The following SNX3 variants were observed in gnomAD, a reference collection of about 807,000 sequenced individuals.
The protein encoded by SNX3 is sorting nexin-3.
In SNX3, 5 loss-of-function variants were observed where a neutral mutation model predicts 17.7. The observed-to-expected ratio is 0.28, with a 90% CI of 0.15 to 0.59. SNX3 has a LOEUF of 0.59. Among genes scored for constraint, SNX3 ranks in the 20% least tolerant of loss-of-function variants. The pLI is 0.88. For synonymous variants in SNX3, 91 were observed against 76.5 expected (o/e 1.19, Z -0.99); for missense variants, 132 against 206.8 (o/e 0.64, Z 2.22).
chr6:108,224,054 T>C (rs9400216), intron 1 of SNX3, among the ~76,000 whole-genome samples: 51,054 of 152,022 alleles, frequency 0.34, 10,654 homozygotes, highest in East Asian at 0.62. Context: ...TTTTTAAAAT[T>C]TTATTTTCTT....
intron 1 of SNX3, among the ~76,000 whole-genome samples, chr6:108,249,903 T>C (rs1160538105): frequency 6.6e-6 from 1 of 152,194 alleles, no homozygotes; most frequent in Non-Finnish European, 1.5e-5. Context: ...GCTTTTTCCA[T>C]AGCCTCATGA....
intron 2 of SNX3, among the ~76,000 whole-genome samples, chr6:108,217,946 T>A (rs945148154): frequency 5.9e-5 from 9 of 152,146 alleles, no homozygotes; most frequent in Non-Finnish European, 1.2e-4. Context: ...AGATCTTAGT[T>A]AAAAGTACTA....
At chr6:108,213,770 C>A (rs1473505191) in intron 3 of SNX3, among the ~76,000 whole-genome samples, 1 of 152,172 alleles carries the variant, frequency 6.6e-6, no homozygotes, top group African/African-American at 2.4e-5. Flanking sequence ...CCCTTTCTCT[C>A]CTGTTTACCA....
At chr6:108,250,361 G>C (rs748841119) in intron 1 of SNX3, among the ~76,000 whole-genome samples, 1 of 152,162 alleles carries the variant, frequency 6.6e-6, no homozygotes, top group Non-Finnish European at 1.5e-5. Context: ...TGCCCTTATA[G>C]AGTAAAAGTG....
chr6:108,224,194 C>G (rs1774906947), intron 1 of SNX3, among the ~76,000 whole-genome samples: 1 of 152,164 alleles, frequency 6.6e-6, no homozygotes, highest in Non-Finnish European at 1.5e-5. Context: ...GATTTAAACT[C>G]CTAGGCTCCA....
At chr6:108,251,661 A>G (rs1023277469) in intron 1 of SNX3, among the ~76,000 whole-genome samples, 6 of 152,364 alleles carry the variant, frequency 3.9e-5, no homozygotes, top group Admixed American at 1.3e-4. Context: ...TATCCTCTTT[A>G]TCTGAGAACA....
chr6:108,227,472 T>C (rs551171115), intron 1 of SNX3, among the ~76,000 whole-genome samples: 2 of 152,202 alleles, frequency 1.3e-5, no homozygotes, highest in Non-Finnish European at 2.9e-5. Context: ...TTTTGAACTT[T>C]TGACACAATC....
intron 3 of SNX3, 45 bp from the exon 4 acceptor site, chr6:108,212,299 TG>T (rs1451476090): frequency 7.6e-7 from 1 of 1,321,454 alleles, no homozygotes; most frequent in Non-Finnish European, 1.1e-6. Context: ...TTATACAAGG[TG>T]GGGGAGTTCA....
At chr6:108,234,240 T>C (rs904351270) in intron 1 of SNX3, among the ~76,000 whole-genome samples, 4 of 149,586 alleles carry the variant, frequency 2.7e-5, no homozygotes, top group Non-Finnish European at 4.5e-5. Flanking sequence ...ATAAAAAACA[T>C]ATATATATAT....
chr6:108,238,101 C>CAAAAAAA (rs11287104), intron 1 of SNX3, among the ~76,000 whole-genome samples: 29 of 85,356 alleles, frequency 3.4e-4, no homozygotes, highest in African/African-American at 1.2e-3. Flanking sequence ...GATCCTGTCT[C>CAAAAAAA]AAAAAAAAAA....
intron 1 of SNX3, among the ~76,000 whole-genome samples, chr6:108,229,336 G>A (rs1357958777): frequency 2.0e-5 from 3 of 151,448 alleles, no homozygotes; most frequent in Non-Finnish European, 4.4e-5. Context: ...TGAAAAGCAC[G>A]GAAGAATTGA....
chr6:108,239,842 C>A (rs1281963930), intron 1 of SNX3, among the ~76,000 whole-genome samples: 3 of 152,026 alleles, frequency 2.0e-5, no homozygotes, highest in Admixed American at 2.0e-4. Flanking sequence ...GTTCAAGGGG[C>A]CTGGAAATAT....
At chr6:108,228,955 T>C (rs1775054154) in intron 1 of SNX3, among the ~76,000 whole-genome samples, 1 of 152,116 alleles carries the variant, frequency 6.6e-6, no homozygotes, top group Non-Finnish European at 1.5e-5. Flanking sequence ...CTGTCTAGAA[T>C]GTATGACATG....
intron 1 of SNX3, among the ~76,000 whole-genome samples, chr6:108,259,973 T>C (rs1776140395): frequency 6.6e-6 from 1 of 152,252 alleles, no homozygotes; most frequent in Non-Finnish European, 1.5e-5. Context: ...TATTTTCAAT[T>C]AACATCTTTC....
chr6:108,225,054 G>A (rs937327655), intron 1 of SNX3, among the ~76,000 whole-genome samples: 3 of 152,158 alleles, frequency 2.0e-5, no homozygotes, highest in Non-Finnish European at 2.9e-5. Context: ...AGGCTGAGGC[G>A]GGCGGATCAC....
At chr6:108,240,770 T>C (rs657669) in intron 1 of SNX3, among the ~76,000 whole-genome samples, 24,921 of 152,062 alleles carry the variant, frequency 0.16, 2,302 homozygotes, top group South Asian at 0.36. Context: ...GGGCAAGCAA[T>C]GAACCAGCAG....
intron 1 of SNX3, among the ~76,000 whole-genome samples, chr6:108,226,540 T>C (rs1774979004): frequency 6.6e-6 from 1 of 152,162 alleles, no homozygotes; most frequent in Non-Finnish European, 1.5e-5. Flanking sequence ...AGCACAGAAT[T>C]TGCATAGAAC....
intron 1 of SNX3, among the ~76,000 whole-genome samples, chr6:108,245,076 C>G (rs1308974251): frequency 1.3e-5 from 2 of 152,090 alleles, no homozygotes; most frequent in Non-Finnish European, 2.9e-5. Context: ...GCCCCACATG[C>G]ATTAGGTATT....
intron 1 of SNX3, among the ~76,000 whole-genome samples, chr6:108,244,642 A>G (rs1454170799): frequency 6.7e-6 from 1 of 148,772 alleles, no homozygotes; most frequent in Admixed American, 6.9e-5. Flanking sequence ...GAATATAAGT[A>G]AGGAGTTTTT....
Sources: gnomAD v4.1 joint callset for allele counts (sites outside exome capture counted in the v4.1 genomes callset) on GRCh38, gnomAD v4.1.1 for gene constraint, MANE v1.5 for transcripts, NCBI Gene and HGNC (gene_info 2026-07-23, HGNC 2026-07-21) for gene names.